The following PRIM2 variants were observed in gnomAD, a reference collection of about 807,000 sequenced individuals.
The protein encoded by PRIM2 is DNA primase large subunit.
A neutral mutation model predicts 67.3 loss-of-function variants in PRIM2; 39 were observed. The observed-to-expected ratio is 0.58, with a 90% CI of 0.45 to 0.76. PRIM2 has a LOEUF of 0.76. PRIM2 is among the 30% of genes least tolerant of loss of function. The probability of loss-of-function intolerance (pLI) is 0.00; values close to 1 mark genes in which losing one functional copy is unlikely to be tolerated. For missense variants in PRIM2, 398 were observed against 598.7 expected, an observed-to-expected ratio of 0.66 and a Z score of 3.50; for synonymous variants, 143 against 198.7, an observed-to-expected ratio of 0.72 and a Z score of 2.36.
chr6:57,241,908 G>A, the PRIM2 span, among the ~76,000 whole-genome samples: 22 of 152,064 alleles, frequency 1.4e-4, no homozygotes, highest in South Asian at 4.2e-4. Context: ...TCCTGACCTC[G>A]TGATCTGCCC....
At chr6:57,419,380 T>G (rs9296877) in intron 7 of PRIM2, among the ~76,000 whole-genome samples, 1 of 152,168 alleles carries the variant, frequency 6.6e-6, no homozygotes, top group South Asian at 2.1e-4. Context: ...TTGGTGTATG[T>G]GATACAGTGA....
rs1777340940 is a variant in PRIM2, at chr6:57,646,654, G to C, written c.*496G>C. On this transcript the variant is annotated 3_prime_UTR_variant, in exon 14 of 14. Coordinates refer to ENST00000615550, the MANE Select transcript of PRIM2 (RefSeq NM_000947.5). ...ATTTTGCTTTGACAGAAGGAAAGAG[G>C]AGGAGTTTCTATTAAAATCTGTCAC... 1 of 152,498 alleles carries C rather than the reference G, an allele frequency of 6.6e-6. No individual in the cohort carries two copies. Among genetic ancestry groups the C allele is most frequent in the Non-Finnish European group, 1.5e-5 (1 of 68,312 alleles). The allele number at this position is 152,498 out of a possible 1,614,324, so 9.4% of individuals were successfully genotyped here.
rs1422863244 is a variant in PRIM2 at position 57,449,538 on chromosome 6, C to A, written c.694-57849C>A. On this transcript the variant is annotated intron_variant, in intron 7 of 13. Transcript: ENST00000615550. ...TCAACACCTTTCTTAGAGTTGATTT[C>A]ATTGAGCTAATGAATAGGTATTTTT... 1.3e-3 allele frequency among the ~76,000 whole-genome samples: 191 copies of A among 152,232 alleles called. 5 individuals carry two copies. The East Asian group carries it at 0.016, about 13-fold the overall frequency.
the PRIM2 span, among the ~76,000 whole-genome samples, chr6:57,302,689 C>T: frequency 0.011 from 1,713 of 152,234 alleles, 37 homozygotes; most frequent in African/African-American, 0.039. Flanking sequence ...TGTTGTTTAT[C>T]TTCCACAGAA....
chr6:57,254,038 T>C, the PRIM2 span, among the ~76,000 whole-genome samples: 3 of 152,324 alleles, frequency 2.0e-5, no homozygotes, highest in East Asian at 3.9e-4. Context: ...ATTGTCCAAC[T>C]TTAGTGAACA....
At chr6:57,314,408 C>T (rs185202199), upstream of PRIM2, among the ~76,000 whole-genome samples, 4 of 152,234 alleles carry the variant, frequency 2.6e-5, no homozygotes, top group East Asian at 1.9e-4. Context: ...CCCAGCTACT[C>T]GGGAGGCTGA....
intron 7 of PRIM2, among the ~76,000 whole-genome samples, chr6:57,447,998 G>A (rs1772420302): frequency 6.6e-6 from 1 of 152,144 alleles, no homozygotes; most frequent in Non-Finnish European, 1.5e-5. Flanking sequence ...GAGTGTTTAT[G>A]AGTATTTGCT....
At chr6:57,627,905 G>T (rs1370406677) in intron 12 of PRIM2, among the ~76,000 whole-genome samples, 4 of 152,136 alleles carry the variant, frequency 2.6e-5, no homozygotes, top group Non-Finnish European at 5.9e-5. Flanking sequence ...CAAAATGTTT[G>T]ATATTTTTCT....
chr6:57,512,620 G>T (rs1399637351), intron 8 of PRIM2, among the ~76,000 whole-genome samples: 1 of 151,750 alleles, frequency 6.6e-6, no homozygotes, highest in African/African-American at 2.4e-5. Flanking sequence ...TTGAGACAAA[G>T]TCTCACTCTG....
chr6:57,446,289 G>GTT (rs10667309), intron 7 of PRIM2, among the ~76,000 whole-genome samples: 3,681 of 139,554 alleles, frequency 0.026, 64 homozygotes, highest in African/African-American at 0.051. Context: ...TGTTTTTTTT[G>GTT]TTTTTTTTTT....
intron 10 of PRIM2, among the ~76,000 whole-genome samples, chr6:57,551,386 T>A (rs1227272032): frequency 6.6e-6 from 1 of 152,218 alleles, no homozygotes; most frequent in Non-Finnish European, 1.5e-5. Context: ...GTCAGCCTTT[T>A]AATTCAGAAT....
chr6:57,334,450 G>T (rs1348437365), intron 5 of PRIM2, among the ~76,000 whole-genome samples: 2 of 151,990 alleles, frequency 1.3e-5, no homozygotes, highest in Non-Finnish European at 2.9e-5. Context: ...TGGAACATAT[G>T]GTGGTTCTAT....
At chr6:57,336,334 A>G (rs7754091) in intron 5 of PRIM2, among the ~76,000 whole-genome samples, 87,798 of 148,656 alleles carry the variant, frequency 0.59, 25,836 homozygotes, top group South Asian at 0.69. Flanking sequence ...GCAGGCCAAC[A>G]TTCAGATTCA....
At chr6:57,526,607 G>A (rs1774759530) in intron 8 of PRIM2, among the ~76,000 whole-genome samples, 1 of 152,124 alleles carries the variant, frequency 6.6e-6, no homozygotes. Context: ...GAAAAAAATG[G>A]TATTTGTGTT....
the PRIM2 span, among the ~76,000 whole-genome samples, chr6:57,264,427 T>C: frequency 1.3e-4 from 20 of 152,184 alleles, no homozygotes; most frequent in East Asian, 3.5e-3. Flanking sequence ...CTCCTTTTCA[T>C]TGTTCCTGGA....
chr6:57,314,592 C>T (rs1244853411), upstream of PRIM2, among the ~76,000 whole-genome samples: 1 of 152,220 alleles, frequency 6.6e-6, no homozygotes, highest in African/African-American at 2.4e-5. Flanking sequence ...CATGGAGTGC[C>T]AGGCACTGGG....
At chr6:57,294,158 T>G in the PRIM2 span, among the ~76,000 whole-genome samples, 1 of 152,106 alleles carries the variant, frequency 6.6e-6, no homozygotes, top group Admixed American at 6.6e-5. Flanking sequence ...CCACAATATG[T>G]CATGAAATGA....
the PRIM2 span, among the ~76,000 whole-genome samples, chr6:57,234,948 G>A: frequency 6.6e-6 from 1 of 152,300 alleles, no homozygotes; most frequent in South Asian, 2.1e-4. Context: ...TGAGGCCAGA[G>A]GATCGTCGGA....
the PRIM2 span, among the ~76,000 whole-genome samples, chr6:57,236,335 T>C: frequency 2.9e-5 from 1 of 34,844 alleles, no homozygotes; most frequent in Non-Finnish European, 9.1e-5. Context: ...AGCTTCCCAA[T>C]TCATTATTAT....
Sources: allele counts gnomAD v4.1 joint callset (sites outside exome capture counted in the v4.1 genomes callset), GRCh38; gene constraint gnomAD v4.1.1; transcripts MANE v1.5; gene names NCBI Gene and HGNC (gene_info 2026-07-23, HGNC 2026-07-21).